ZFHX2: variants seen among roughly 807,000 people sequenced by gnomAD.
ZFHX2 encodes zinc finger homeobox protein 2.
Under a neutral mutation model 164.8 loss-of-function variants are expected in ZFHX2, and 75 were observed. The observed-to-expected ratio is 0.46, with a 90% CI of 0.38 to 0.55. ZFHX2 has a LOEUF of 0.55. Among genes scored for constraint, ZFHX2 ranks in the 20% least tolerant of loss-of-function variants. ZFHX2 has a pLI of 0.00. For missense variants in ZFHX2, 2,933 were observed against 3,308.0 expected (o/e 0.89, Z 2.78); for synonymous variants, 1,217 against 1,351.4 (o/e 0.90, Z 2.18).
In ZFHX2 at chr14:23,525,266, G is replaced by C. The variant is rs745330427; in HGVS notation, c.4676C>G (p.Ala1559Gly). 5 of 1,535,990 alleles carry C rather than the reference G, an allele frequency of 3.3e-6. No homozygotes were observed. The highest frequency in any genetic ancestry group is 1.2e-5 in the South Asian group (1 of 84,066). ...CTCTTCAGGGGCACGGGTCCCCCCTGCCTCAGGCTCTGGGACCAGGAAGGG... is the reference window on the plus strand; with the variant it reads ...CTCTTCAGGGGCACGGGTCCCCCCTCCCTCAGGCTCTGGGACCAGGAAGGG... ...GPPFLVPEPE[A>G]GGTRAPEERS... The change falls in exon 9 of 10, where the codon GCA becomes GGA. Residue 1559 changes from alanine (A) to glycine (G), a missense_variant. By Grantham distance (60) the Ala-to-Gly change is moderately conservative. Coordinates refer to ENST00000419474, the MANE Select transcript of ZFHX2 (RefSeq NM_033400.3). The surrounding 1 kb of genome is among the most constrained non-coding windows in gnomAD (Gnocchi z 5.9).
At chr14:23,554,758 C>T (rs1882222685), upstream of ZFHX2, among the ~76,000 whole-genome samples, 1 of 152,010 alleles carries the variant, frequency 6.6e-6, no homozygotes, top group African/African-American at 2.4e-5. Flanking sequence ...TTTCCAGAAA[C>T]ATACTGGTGA....
intron 1 of ZFHX2, among the ~76,000 whole-genome samples, chr14:23,544,626 A>G (rs146667904): frequency 4.1e-4 from 63 of 152,228 alleles, no homozygotes; most frequent in Middle Eastern, 3.4e-3. Context: ...GTGAGCCCGT[A>G]TGTGGTTGGC....
chr14:23,525,944 T>G lies in ZFHX2; in HGVS notation c.3998A>C (p.His1333Pro), dbSNP rs1878649958. The G allele has an allele frequency of 1.4e-6, 2 of 1,477,020 alleles. No homozygotes were observed. Among genetic ancestry groups the G allele is most frequent in the Admixed American group, 2.2e-5 (1 of 45,268 alleles). The allele number at this position is 1,477,020 out of a possible 1,614,324, so 91.5% of individuals were successfully genotyped here. A position where few individuals can be genotyped will look rare whatever the true frequency, so the allele number is the denominator to read the frequency against. Residue 1333 changes from histidine (H) to proline (P), a missense_variant, in exon 9 of 10, where the codon CAC becomes CCC. Transcript: ENST00000419474. The surrounding 1 kb of genome is among the most constrained non-coding windows in gnomAD (Gnocchi z 5.9). ...LSPPPPPLDL[H>P]RFPAPLFTPP... ...GGTGAAGAGAGGGGCTGGGAATCGG[T>G]GCAGGTCCAAGGGAGGTGGGGGAGG...
upstream of ZFHX2, among the ~76,000 whole-genome samples, chr14:23,555,421 C>T (rs1405824715): frequency 6.6e-6 from 1 of 152,208 alleles, no homozygotes; most frequent in Non-Finnish European, 1.5e-5. Context: ...GCATTTCTAG[C>T]CTCGTCTTCT....
At position 23,525,830 on chromosome 14, in the gene ZFHX2, T is replaced by C; in HGVS notation, c.4112A>G (p.Asp1371Gly). ...QQLLLPFYLH[D>G]LKVGPKLTLA... Reference sequence around the variant, plus strand: ...TGTCAGCTTGGGCCCCACCTTGAGATCGTGGAGGTAGAAGGGCAGGAGCAG... The same window carrying C: ...TGTCAGCTTGGGCCCCACCTTGAGACCGTGGAGGTAGAAGGGCAGGAGCAG... Residue 1371 changes from aspartate (D) to glycine (G), a missense_variant, in exon 9 of 10, where the codon GAT (aspartate) becomes GGT (glycine). Physicochemically the swap from Asp to Gly is moderately conservative, Grantham distance 94. Transcript: ENST00000419474. This position sits in a 1 kb window ranked among gnomAD's most constrained non-coding sequence, Gnocchi z 5.9. 4.1e-6 allele frequency: 6 copies of C among 1,456,994 alleles called. No individual in the cohort carries two copies. The highest frequency in any genetic ancestry group is 5.4e-6 in the Non-Finnish European group (6 of 1,110,492). 90.3% of individuals were successfully genotyped at this position (1,456,994 alleles called of 1,614,324 possible). A position where few individuals can be genotyped will look rare whatever the true frequency, so the allele number is the denominator to read the frequency against.
At chr14:23,553,879 G>T (rs1010676753), upstream of ZFHX2, among the ~76,000 whole-genome samples, 2 of 151,968 alleles carry the variant, frequency 1.3e-5, no homozygotes, top group Non-Finnish European at 2.9e-5. Flanking sequence ...GGGCGACAAA[G>T]CGAGACTCCG....
chr14:23,531,562 G>A lies in ZFHX2; in HGVS notation c.2719C>T (p.Gln907Ter). Residue 907 changes from glutamine (Q) to a stop codon, truncating the protein, a stop_gained, in exon 4 of 10, where the codon CAG (glutamine) becomes TAG (stop). Coordinates refer to ENST00000419474, the MANE Select transcript of ZFHX2 (RefSeq NM_033400.3). LOFTEE classifies it high-confidence loss of function. The stretch of plus-strand genomic sequence containing the variant: ...CCTTCCTCAGTGGTTGGGCCATTCT[G>A]TAGCAGCTGCAGACGCCTCTGGGCC... ...AQAQRRLQLL[Q>*]NGPTTEEGLA... is the part of the protein sequence containing the mutation. 1 of 1,524,438 alleles carries A rather than the reference G, an allele frequency of 6.6e-7. No homozygotes were observed. Among genetic ancestry groups the A allele is most frequent in the Non-Finnish European group, 8.8e-7 (1 of 1,139,630 alleles). 94.4% of individuals were successfully genotyped at this position (1,524,438 alleles called of 1,614,324 possible). A position where few individuals can be genotyped will look rare whatever the true frequency, so the allele number is the denominator to read the frequency against.
At chr14:23,548,004 T>G (rs1881565486) in intron 1 of ZFHX2, among the ~76,000 whole-genome samples, 1 of 152,108 alleles carries the variant, frequency 6.6e-6, no homozygotes, top group South Asian at 2.1e-4. Context: ...CCCTCTGGCA[T>G]TTCACAACCC....
intron 1 of ZFHX2, among the ~76,000 whole-genome samples, chr14:23,550,661 G>T (rs1408847364): frequency 6.6e-6 from 1 of 152,186 alleles, no homozygotes; most frequent in Non-Finnish European, 1.5e-5. Context: ...GCTCAGAGGG[G>T]CAGACGAGCG....
At chr14:23,547,157 A>G (rs7145877) in intron 1 of ZFHX2, among the ~76,000 whole-genome samples, 22,852 of 152,202 alleles carry the variant, frequency 0.15, 1,844 homozygotes, top group African/African-American at 0.19. Context: ...TCTTTCAACA[A>G]TGGAGAGTCA....
rs1878713296 is a variant in ZFHX2 at position 23,526,388 on chromosome 14, A to G, written c.3554T>C (p.Leu1185Pro). Reference protein sequence around the residue: ...KTTNFALDKFLDPARPYKCTV... With the variant: ...KTTNFALDKFPDPARPYKCTV... ...GCACTTATAGGGCCGGGCAGGGTCG[A>G]GAAACTTGTCCAGGGCAAAGTTGGT... is the stretch of plus-strand genomic sequence containing the variant. The change falls in exon 9 of 10, where the codon CTC becomes CCC. Residue 1185 changes from leucine (L) to proline (P), a missense_variant. Coordinates refer to ENST00000419474, the MANE Select transcript of ZFHX2 (RefSeq NM_033400.3). The G allele has an allele frequency of 6.5e-7, 1 of 1,536,266 alleles. No homozygotes were observed. Among genetic ancestry groups the G allele is most frequent in the South Asian group, 1.2e-5 (1 of 84,064 alleles).
At chr14:23,528,840 G>A (rs1879135459) in intron 6 of ZFHX2, 2 of 985,180 alleles carry the variant, frequency 2.0e-6, no homozygotes, top group Non-Finnish European at 1.2e-6. Context: ...TCACCTGACT[G>A]CCAGACCTAC....
chr14:23,532,781 T>C lies in ZFHX2; in HGVS notation c.2345A>G (p.His782Arg). 3 of 1,536,320 alleles carry C rather than the reference T, an allele frequency of 2.0e-6. No individual in the cohort carries two copies. Among genetic ancestry groups the C allele is most frequent in the Non-Finnish European group, 2.6e-6 (3 of 1,146,950 alleles). Residue 782 changes from histidine to arginine, a missense_variant, in exon 3 of 10, where the codon CAT becomes CGT. Physicochemically the swap from His to Arg is conservative, Grantham distance 29. Transcript: ENST00000419474. ...GGCTGCCAGCTGGTACTTCTGAGCA[T>C]GTTTGTCAGTCTTGAGGTGGAGTTG... ...NFQLHLKTDK[H>R]AQKYQLAAHL... is the part of the protein sequence containing the mutation.
At chr14:23,530,558 C>A in intron 4 of ZFHX2, 1 of 451,712 alleles carries the variant, frequency 2.2e-6, no homozygotes, top group Middle Eastern at 3.2e-4. Flanking sequence ...AAGAAGGAAG[C>A]CTTGGCTGAA....
chr14:23,529,999 G>T, intron 5 of ZFHX2, 121 bp downstream of exon 5: 3 of 1,112,598 alleles, frequency 2.7e-6, no homozygotes, highest in Non-Finnish European at 3.9e-6. Flanking sequence ...CCCCTGATGA[G>T]CCCTTTCTTT....
upstream of ZFHX2, among the ~76,000 whole-genome samples, chr14:23,554,949 C>G (rs1882239987): frequency 6.6e-6 from 1 of 152,124 alleles, no homozygotes; most frequent in Admixed American, 6.5e-5. Flanking sequence ...TATTTTGTCT[C>G]CCAAAGCATT....
chr14:23,525,165 C>T lies in ZFHX2; in HGVS notation c.4777G>A (p.Ala1593Thr). ...TTGGTTCTGGAGAACCGGCGGCCGGCAGGCACCAGGGGAGGAAGATTCCCT... is the reference window on the plus strand; with the variant it reads ...TTGGTTCTGGAGAACCGGCGGCCGGTAGGCACCAGGGGAGGAAGATTCCCT... ...SRGNLPPLVP[A>T]GRRFSRTKFT... Residue 1593 changes from alanine to threonine, a missense_variant, in exon 9 of 10, where the codon GCC becomes ACC. Transcript: ENST00000419474. This position sits in a 1 kb window ranked among gnomAD's most constrained non-coding sequence, Gnocchi z 5.9. The T allele has an allele frequency of 1.3e-6, 2 of 1,536,152 alleles. No homozygotes were observed. The highest frequency in any genetic ancestry group is 1.7e-6 in the Non-Finnish European group (2 of 1,146,918).
chr14:23,545,502 C>T (rs998445726), intron 1 of ZFHX2, among the ~76,000 whole-genome samples: 3 of 152,192 alleles, frequency 2.0e-5, no homozygotes, highest in Admixed American at 6.5e-5. Flanking sequence ...GGTTTTTCAC[C>T]TTTGACTCCT....
chr14:23,522,520 C>A lies in ZFHX2; in HGVS notation c.7161G>T (p.Met2387Ile). 1 of 1,528,464 alleles carries A rather than the reference C, an allele frequency of 6.5e-7. No homozygotes were observed. The highest frequency in any genetic ancestry group is 8.8e-7 in the Non-Finnish European group (1 of 1,141,774). The allele number at this position is 1,528,464 out of a possible 1,614,324, so 94.7% of individuals were successfully genotyped here. The change falls in exon 10 of 10, where the codon ATG (methionine) becomes ATT (isoleucine). Residue 2387 changes from methionine to isoleucine, a missense_variant. By Grantham distance (10) the Met-to-Ile change is conservative. Transcript: ENST00000419474. ...GCAGCCCAATGAGGGTCTGAGGTATCATGGGGTTCATGGGAAATAGCCCCT... is the reference window on the plus strand; with the variant it reads ...GCAGCCCAATGAGGGTCTGAGGTATAATGGGGTTCATGGGAAATAGCCCCT... ...MKKGLFPMNPMIPQTLIGLLP... is the reference protein window; with the variant it reads ...MKKGLFPMNPIIPQTLIGLLP...
Sources: allele counts gnomAD v4.1 joint callset (sites outside exome capture counted in the v4.1 genomes callset), GRCh38; gene constraint gnomAD v4.1.1; non-coding constraint Gnocchi (gnomAD v3.1); transcripts MANE v1.5; gene names NCBI Gene and HGNC (gene_info 2026-07-23, HGNC 2026-07-21).